The following WDR70 variants were observed in gnomAD, a reference collection of about 807,000 sequenced individuals.
WDR70 encodes the protein WD repeat domain 70.
WDR70 carries 53 observed loss-of-function variants against 88.6 expected under a neutral mutation model. The observed-to-expected ratio is 0.60, with a 90% CI of 0.48 to 0.75. WDR70 has a LOEUF of 0.75. Ranked by LOEUF, WDR70 falls within the 30% of genes least tolerant of loss-of-function variation. The probability of loss-of-function intolerance (pLI) is 0.00; values close to 1 mark genes in which losing one functional copy is unlikely to be tolerated. For synonymous variants in WDR70, 280 were observed against 270.0 expected, an observed-to-expected ratio of 1.04 and a Z score of -0.36; for missense variants, 610 against 823.2, an observed-to-expected ratio of 0.74 and a Z score of 3.17.
intron 10 of WDR70, among the ~76,000 whole-genome samples, chr5:37,624,442 A>G (rs976691948): frequency 1.3e-5 from 2 of 152,078 alleles, no homozygotes; most frequent in African/African-American, 2.4e-5. Flanking sequence ...TCTATTTATT[A>G]TTGGATACCT....
At chr5:37,658,005 C>A (rs7727603) in intron 10 of WDR70, among the ~76,000 whole-genome samples, 16,082 of 152,140 alleles carry the variant, frequency 0.11, 2,736 homozygotes, top group African/African-American at 0.36. Flanking sequence ...GTAATATGTA[C>A]TGTCTTCTTA....
intron 10 of WDR70, chr5:37,688,055 A>G (rs1746666907): frequency 1.8e-6 from 1 of 563,730 alleles, no homozygotes; most frequent in Admixed American, 2.7e-5. Context: ...ATACACATCT[A>G]TATGCATGTG....
At chr5:37,526,089 T>G (rs1741260536) in intron 9 of WDR70, among the ~76,000 whole-genome samples, 1 of 152,194 alleles carries the variant, frequency 6.6e-6, no homozygotes, top group African/African-American at 2.4e-5. Flanking sequence ...TCTGAAACCG[T>G]TCGAATCAAT....
intron 7 of WDR70, among the ~76,000 whole-genome samples, chr5:37,464,307 T>G (rs576857107): frequency 6.6e-6 from 1 of 152,298 alleles, no homozygotes; most frequent in South Asian, 2.1e-4. Context: ...ACTTTCTGAT[T>G]ATCAGATCTT....
intron 9 of WDR70, among the ~76,000 whole-genome samples, chr5:37,536,771 GA>G (rs1300936505): frequency 6.6e-6 from 1 of 151,542 alleles, no homozygotes; most frequent in Non-Finnish European, 1.5e-5. Flanking sequence ...GTTTTTCACT[GA>G]AAAAAAATTC....
intron 12 of WDR70, among the ~76,000 whole-genome samples, chr5:37,701,473 A>T (rs1445572480): frequency 1.3e-5 from 2 of 152,132 alleles, no homozygotes; most frequent in African/African-American, 4.8e-5. Flanking sequence ...TAGGCCTTTT[A>T]AAATTTGTGG....
intron 16 of WDR70, among the ~76,000 whole-genome samples, chr5:37,726,272 A>G (rs1747968024): frequency 1.3e-5 from 2 of 152,036 alleles, no homozygotes; most frequent in African/African-American, 4.8e-5. Context: ...TTTTAGTGTT[A>G]TTTGGCTTTT....
intron 5 of WDR70, among the ~76,000 whole-genome samples, chr5:37,421,373 C>T (rs886563183): frequency 3.3e-5 from 5 of 152,192 alleles, no homozygotes; most frequent in African/African-American, 9.6e-5. Context: ...GGATGCTGAT[C>T]AATACTTAGT....
intron 8 of WDR70, among the ~76,000 whole-genome samples, chr5:37,511,002 C>G (rs1740706027): frequency 6.6e-6 from 1 of 152,170 alleles, no homozygotes; most frequent in African/African-American, 2.4e-5. Flanking sequence ...TAACCTAGAT[C>G]ACTTGTTTAA....
At chr5:37,520,819 G>A (rs1421735352) in intron 9 of WDR70, among the ~76,000 whole-genome samples, 1 of 152,164 alleles carries the variant, frequency 6.6e-6, no homozygotes, top group East Asian at 1.9e-4. Context: ...AGTAAATATT[G>A]CATTAAATAT....
chr5:37,461,105 CAAAAAAA>C (rs10547667), intron 7 of WDR70, among the ~76,000 whole-genome samples: 2 of 62,316 alleles, frequency 3.2e-5, no homozygotes, highest in African/African-American at 1.0e-4. Flanking sequence ...TTTCTAACCT[CAAAAAAA>C]AAAAAAAAAA....
At chr5:37,691,115 A>G (rs1746781552) in intron 10 of WDR70, among the ~76,000 whole-genome samples, 1 of 152,238 alleles carries the variant, frequency 6.6e-6, no homozygotes, top group South Asian at 2.1e-4. Flanking sequence ...GCAAAGATCA[A>G]AAGATACAAA....
chr5:37,519,235 G>A (rs1199453850), intron 9 of WDR70, among the ~76,000 whole-genome samples: 1 of 152,146 alleles, frequency 6.6e-6, no homozygotes, highest in East Asian at 1.9e-4. Context: ...CCCAGATGGG[G>A]CACCGGGCAG....
chr5:37,521,082 A>C (rs1741070679), intron 9 of WDR70, among the ~76,000 whole-genome samples: 1 of 152,174 alleles, frequency 6.6e-6, no homozygotes, highest in African/African-American at 2.4e-5. Flanking sequence ...GTTAAAACTT[A>C]AGTTGAATAG....
At chr5:37,418,206 A>AATTTT (rs61031749) in intron 5 of WDR70, among the ~76,000 whole-genome samples, 19,059 of 151,946 alleles carry the variant, frequency 0.13, 3,921 homozygotes, top group African/African-American at 0.43. Context: ...TTGAATTATG[A>AATTTT]ATTTTATTTT....
intron 5 of WDR70, among the ~76,000 whole-genome samples, chr5:37,419,630 A>G (rs1362377562): frequency 2.0e-5 from 3 of 151,828 alleles, no homozygotes; most frequent in East Asian, 4.0e-4. Context: ...CCAGGCCAAC[A>G]TGGCGAAACT....
intron 3 of WDR70, among the ~76,000 whole-genome samples, chr5:37,390,471 C>G (rs1291916767): frequency 6.6e-6 from 1 of 151,580 alleles, no homozygotes; most frequent in African/African-American, 2.4e-5. Context: ...TCCTGTGTAG[C>G]TGGGACTACA....
chr5:37,447,108 C>G (rs931147730), intron 7 of WDR70, among the ~76,000 whole-genome samples: 4 of 151,946 alleles, frequency 2.6e-5, no homozygotes, highest in Non-Finnish European at 4.4e-5. Flanking sequence ...AAAAACAACC[C>G]CATCAAAAAG....
chr5:37,586,896 TCA>T (rs1448433666), intron 9 of WDR70, among the ~76,000 whole-genome samples: 22 of 152,322 alleles, frequency 1.4e-4, no homozygotes, highest in African/African-American at 4.8e-4. Flanking sequence ...CACCTGAATG[TCA>T]CACAGCTCTC....
Sources: gnomAD v4.1 joint callset for allele counts (sites outside exome capture counted in the v4.1 genomes callset) on GRCh38, gnomAD v4.1.1 for gene constraint, MANE v1.5 for transcripts, NCBI Gene and HGNC (gene_info 2026-07-23, HGNC 2026-07-21) for gene names.